Variants in CPNE4 observed in about 807,000 individuals in gnomAD.
The protein encoded by CPNE4 is copine 4.
Under a neutral mutation model 67.9 loss-of-function variants are expected in CPNE4, and 25 were observed. The ratio of observed to expected loss-of-function variants is 0.37; its 90% CI spans 0.27 to 0.51. The LOEUF (loss-of-function observed/expected upper bound fraction) is 0.51. Among genes scored for constraint, CPNE4 ranks in the 20% least tolerant of loss-of-function variants. CPNE4 has a pLI of 0.93. For synonymous variants in CPNE4, 242 were observed against 244.9 expected (o/e 0.99, Z 0.11); for missense variants, 464 against 690.8 (o/e 0.67, Z 3.68).
chr3:131,817,670 G>A (rs116517407), intron 2 of CPNE4, among the ~76,000 whole-genome samples: 4,232 of 152,266 alleles, frequency 0.028, 210 homozygotes, highest in African/African-American at 0.096. Context: ...AGGGAAAAAT[G>A]ATTGAAAAGT....
chr3:131,891,372 T>C (rs2088105898), intron 2 of CPNE4, among the ~76,000 whole-genome samples: 2 of 152,048 alleles, frequency 1.3e-5, no homozygotes, highest in Non-Finnish European at 2.9e-5. Context: ...ATAATTGGGA[T>C]AGTGGTTGCA....
In CPNE4 at chr3:131,792,704, C is replaced by CGTGTGTATATATGTATATAT. The variant is rs1560322982; in HGVS notation, c.181-69080_181-69079insATATATACATATATACACAC. ...ACACACGTGTATATATACATATACA[C>CGTGTGTATATATGTATATAT]ACACGTGTATATATGTATATATATA... is the stretch of plus-strand genomic sequence containing the variant. On this transcript the variant is annotated intron_variant, in intron 2 of 15. Coordinates refer to ENST00000429747, the MANE Select transcript of CPNE4 (RefSeq NM_130808.3). Among the ~76,000 whole-genome samples, 236 of 71,844 alleles carry CGTGTGTATATATGTATATAT rather than the reference C, an allele frequency of 3.3e-3. 18 individuals carry two copies. Among genetic ancestry groups the CGTGTGTATATATGTATATAT allele is most frequent in the African/African-American group, 0.015 (227 of 15,340 alleles). 47.1% of individuals were successfully genotyped at this position (71,844 alleles called of 152,430 possible).
rs114833077 is a variant in CPNE4, at chr3:131,659,574, C to G, written c.681+10101G>C. Reference sequence around the variant, plus strand: ...TCTGATACTTTTAGTTTTAGACTTGCAAAGTGTTTTCCAAAGATGACTTTT... The same window carrying G: ...TCTGATACTTTTAGTTTTAGACTTGGAAAGTGTTTTCCAAAGATGACTTTT... On this transcript the variant is annotated intron_variant, in intron 7 of 15. Transcript: ENST00000429747. Among the ~76,000 whole-genome samples the G allele has an allele frequency of 8.5e-3, 1,297 of 152,232 alleles. 13 individuals are homozygous for G. The highest frequency in any genetic ancestry group is 0.047 in the South Asian group (225 of 4,820).
At chr3:131,544,606 A>G (rs555588241) in intron 14 of CPNE4, among the ~76,000 whole-genome samples, 1 of 152,266 alleles carries the variant, frequency 6.6e-6, no homozygotes, top group Non-Finnish European at 1.5e-5. Flanking sequence ...AGTTGGCTTG[A>G]GAGTTTAGAG....
chr3:131,790,672 C>A (rs888880793), intron 2 of CPNE4, among the ~76,000 whole-genome samples: 5 of 152,058 alleles, frequency 3.3e-5, no homozygotes, highest in African/African-American at 1.2e-4. Context: ...ACTTCTCTTG[C>A]CAGCTCAGTT....
At chr3:131,981,586 C>A (rs1050758300) in intron 1 of CPNE4, among the ~76,000 whole-genome samples, 1 of 152,154 alleles carries the variant, frequency 6.6e-6, no homozygotes, top group Non-Finnish European at 1.5e-5. Context: ...CAGATTTGTG[C>A]CCTCCCCCGA....
At chr3:132,028,618 T>C (rs1169529670) in intron 1 of CPNE4, among the ~76,000 whole-genome samples, 1 of 152,196 alleles carries the variant, frequency 6.6e-6, no homozygotes, top group African/African-American at 2.4e-5. Context: ...AAGCTCCTAT[T>C]GTGTGCCAAG....
intron 2 of CPNE4, among the ~76,000 whole-genome samples, chr3:131,849,465 A>G (rs1399950760): frequency 2.6e-5 from 4 of 152,032 alleles, no homozygotes; most frequent in African/African-American, 7.2e-5. Context: ...GTGATGCTAC[A>G]TACTTTCGAA....
chr3:131,908,917 C>T (rs1286660679), intron 1 of CPNE4, among the ~76,000 whole-genome samples: 1 of 152,076 alleles, frequency 6.6e-6, no homozygotes, highest in Non-Finnish European at 1.5e-5. Flanking sequence ...AATGTGATTA[C>T]CACAATACCA....
chr3:131,552,433 G>T lies in CPNE4; in HGVS notation c.1168+7C>A, dbSNP rs762421017. ...TGACACTGGCTTTCTTTCACGTTGT[G>T]CTTTACCTGCACATTCTGGGTTGTC... On this transcript the variant is annotated splice_region_variant and intron_variant, in intron 13 of 15. Transcript: ENST00000429747. The T allele has an allele frequency of 1.6e-5, 25 of 1,611,604 alleles. No homozygotes were observed. Among genetic ancestry groups the T allele is most frequent in the Middle Eastern group, 3.3e-4 (2 of 6,060 alleles).
intron 7 of CPNE4, among the ~76,000 whole-genome samples, chr3:131,598,551 T>A (rs1939021343): frequency 6.6e-6 from 1 of 152,198 alleles, no homozygotes; most frequent in East Asian, 1.9e-4. Context: ...CCATTTTTTA[T>A]AGATGATGAT....
intron 9 of CPNE4, among the ~76,000 whole-genome samples, chr3:131,578,891 T>C (rs961694762): frequency 1.3e-5 from 2 of 152,174 alleles, no homozygotes; most frequent in Non-Finnish European, 2.9e-5. Flanking sequence ...ACTGTCTCTG[T>C]AACATAAAAG....
chr3:131,610,936 G>A (rs1432882459), intron 7 of CPNE4, among the ~76,000 whole-genome samples: 1 of 152,206 alleles, frequency 6.6e-6, no homozygotes, highest in Non-Finnish European at 1.5e-5. Flanking sequence ...TCCTCCTGGA[G>A]AAGCCACAGT....
At chr3:131,755,817 T>G (rs1483767015) in intron 2 of CPNE4, among the ~76,000 whole-genome samples, 5 of 152,250 alleles carry the variant, frequency 3.3e-5, no homozygotes, top group Non-Finnish European at 1.5e-5. Flanking sequence ...TTAGACATTT[T>G]TATTCTGGAA....
chr3:131,748,637 C>T (rs539979199), intron 2 of CPNE4, among the ~76,000 whole-genome samples: 45 of 151,958 alleles, frequency 3.0e-4, no homozygotes, highest in Non-Finnish European at 6.3e-4. Context: ...TTATCTACTT[C>T]ATTTTGGGTT....
At chr3:131,788,421 T>G (rs1040399271) in intron 2 of CPNE4, among the ~76,000 whole-genome samples, 4 of 152,064 alleles carry the variant, frequency 2.6e-5, no homozygotes, top group African/African-American at 9.7e-5. Context: ...TTTAGCCTCT[T>G]TAATAATCAA....
Position 131,587,577 on chromosome 3 carries a change from T to C in CPNE4, c.687A>G (p.Ile229Met), listed in dbSNP as rs768468087. The change falls in exon 8 of 16, where the codon ATA (isoleucine) becomes ATG (methionine). Residue 229 changes from isoleucine (I) to methionine (M), a missense_variant. Around this residue, in one of 6 missense-constraint regions of CPNE4, gnomAD observed 58 missense variants for 63.5 expected, o/e 0.91. Coordinates refer to ENST00000429747, the MANE Select transcript of CPNE4 (RefSeq NM_130808.3). ...TGCCATTGGAGTCCCAGTCCCATAC[T>C]ATGCACTGTAAGAGAAAACAATGAT... Reference protein sequence around the residue: ...SGDPDRRLKCIVWDWDSNGKH... With the variant: ...SGDPDRRLKCMVWDWDSNGKH... The C allele has an allele frequency of 1.2e-6, 2 of 1,606,728 alleles. No individual in the cohort carries two copies. Among genetic ancestry groups the C allele is most frequent in the Non-Finnish European group, 1.7e-6 (2 of 1,173,534 alleles).
At chr3:131,863,236 G>T (rs539147845) in intron 2 of CPNE4, among the ~76,000 whole-genome samples, 1 of 152,234 alleles carries the variant, frequency 6.6e-6, no homozygotes, top group South Asian at 2.1e-4. Flanking sequence ...TAATGGGATG[G>T]CTGGGTCAAA....
chr3:131,931,646 AT>A (rs2071063481), intron 1 of CPNE4, among the ~76,000 whole-genome samples: 1 of 151,898 alleles, frequency 6.6e-6, no homozygotes, highest in Non-Finnish European at 1.5e-5. Context: ...CCCCTCCCCC[AT>A]TTCATCCCTG....
Sources: allele counts gnomAD v4.1 joint callset (sites outside exome capture counted in the v4.1 genomes callset), GRCh38; gene constraint gnomAD v4.1.1; regional missense constraint gnomAD v4.1.1; transcripts MANE v1.5; gene names NCBI Gene and HGNC (gene_info 2026-07-23, HGNC 2026-07-21).